Variants in BAZ2B observed in about 807,000 individuals in gnomAD.
BAZ2B encodes the protein bromodomain adjacent to zinc finger domain 2B.
Under a neutral mutation model 246.0 loss-of-function variants are expected in BAZ2B, and 91 were observed. The observed-to-expected ratio is 0.37, with a 90% CI of 0.31 to 0.44. The LOEUF (loss-of-function observed/expected upper bound fraction) is 0.44. BAZ2B is among the 20% of genes least tolerant of loss of function. The pLI, the probability that BAZ2B is intolerant of heterozygous loss-of-function variation, is 1.00. For missense variants in BAZ2B, 2,332 were observed against 2,533.7 expected (o/e 0.92, Z 1.71); for synonymous variants, 855 against 860.0 (o/e 0.99, Z 0.10).
the BAZ2B span, among the ~76,000 whole-genome samples, chr2:159,666,859 AAAACC>A: frequency 6.6e-6 from 1 of 152,192 alleles, no homozygotes; most frequent in East Asian, 1.9e-4. Flanking sequence ...CCATCTGAAA[AAAACC>A]AAACCAAACA....
chr2:159,563,733 T>C (rs1010760342), intron 1 of BAZ2B, among the ~76,000 whole-genome samples: 1 of 152,144 alleles, frequency 6.6e-6, no homozygotes, highest in Non-Finnish European at 1.5e-5. Flanking sequence ...TGAAAAAAAG[T>C]AATGGTTGTA....
intron 2 of BAZ2B, among the ~76,000 whole-genome samples, chr2:159,493,302 T>C (rs917870899): frequency 6.6e-6 from 1 of 152,240 alleles, no homozygotes; most frequent in East Asian, 1.9e-4. Flanking sequence ...ATATTTTAAG[T>C]GCTCAACAGC....
At chr2:159,323,456 AT>A (rs2062996385) in intron 36 of BAZ2B, among the ~76,000 whole-genome samples, 1 of 152,066 alleles carries the variant, frequency 6.6e-6, no homozygotes, top group East Asian at 1.9e-4. Context: ...TTTCTTGGCC[AT>A]GTTAGTTATA....
intron 2 of BAZ2B, among the ~76,000 whole-genome samples, chr2:159,486,767 TTTTAAAAACA>T (rs1351305456): frequency 2.0e-5 from 3 of 152,026 alleles, no homozygotes; most frequent in African/African-American, 7.2e-5. Flanking sequence ...GGCAAAAGAC[TTTTAAAAACA>T]CATTTCCATC....
At chr2:159,630,075 G>A in the BAZ2B span, among the ~76,000 whole-genome samples, 1 of 152,182 alleles carries the variant, frequency 6.6e-6, no homozygotes, top group Non-Finnish European at 1.5e-5. Context: ...GAACAGTACA[G>A]TATGTGGGTA....
At chr2:159,317,054 C>A (rs1469263215), downstream of BAZ2B, among the ~76,000 whole-genome samples, 1 of 152,012 alleles carries the variant, frequency 6.6e-6, no homozygotes, top group Non-Finnish European at 1.5e-5. Context: ...CTTTATTCTC[C>A]TTGTTGAAAT....
chr2:159,525,241 A>G (rs1351168571), intron 2 of BAZ2B, among the ~76,000 whole-genome samples: 1 of 152,214 alleles, frequency 6.6e-6, no homozygotes, highest in African/African-American at 2.4e-5. Context: ...GGACAACATA[A>G]GCTAAGGATC....
the BAZ2B span, among the ~76,000 whole-genome samples, chr2:159,643,314 C>A: frequency 6.6e-6 from 1 of 152,140 alleles, no homozygotes; most frequent in Non-Finnish European, 1.5e-5. Context: ...TTGGCTTATA[C>A]GCAGCCACCA....
intron 36 of BAZ2B, chr2:159,322,123 G>A (rs1453196488): frequency 1.3e-5 from 2 of 152,142 alleles, no homozygotes; most frequent in Admixed American, 6.5e-5. Context: ...TTTCTTTGGT[G>A]AAATATCTTG....
intron 1 of BAZ2B, among the ~76,000 whole-genome samples, chr2:159,567,988 T>C (rs1039004557): frequency 6.6e-6 from 1 of 151,930 alleles, no homozygotes; most frequent in Non-Finnish European, 1.5e-5. Flanking sequence ...TAAAAATAAA[T>C]AAACATAAAA....
the BAZ2B span, chr2:159,712,384 T>G: frequency 6.6e-6 from 1 of 151,984 alleles, no homozygotes; most frequent in African/African-American, 2.4e-5. Flanking sequence ...CACCCCGCGG[T>G]GGGGTACCTC....
At chr2:159,440,051 A>G (rs2073094097) in intron 6 of BAZ2B, among the ~76,000 whole-genome samples, 1 of 152,200 alleles carries the variant, frequency 6.6e-6, no homozygotes, top group African/African-American at 2.4e-5. Flanking sequence ...TATTATAACA[A>G]ATTAACAAAC....
the BAZ2B span, among the ~76,000 whole-genome samples, chr2:159,672,489 G>C: frequency 4.6e-5 from 7 of 152,136 alleles, no homozygotes; most frequent in East Asian, 1.2e-3. Context: ...CATTAAAATA[G>C]AAAGTAAACA....
chr2:159,546,256 G>A (rs2087329827), intron 2 of BAZ2B, among the ~76,000 whole-genome samples: 1 of 151,856 alleles, frequency 6.6e-6, no homozygotes, highest in Non-Finnish European at 1.5e-5. Flanking sequence ...GGTCCTTCGT[G>A]CGATGTTCTT....
chr2:159,676,052 C>T, the BAZ2B span, among the ~76,000 whole-genome samples: 1 of 152,184 alleles, frequency 6.6e-6, no homozygotes, highest in Non-Finnish European at 1.5e-5. Flanking sequence ...CCTACCACCG[C>T]ACCCGGCTAA....
intron 1 of BAZ2B, among the ~76,000 whole-genome samples, chr2:159,585,188 G>A (rs1687761441): frequency 6.6e-6 from 1 of 152,150 alleles, no homozygotes; most frequent in African/African-American, 2.4e-5. Context: ...GACTTGGAGT[G>A]GTAAAGTCAA....
chr2:159,527,319 G>A (rs1477754178), intron 2 of BAZ2B, among the ~76,000 whole-genome samples: 1 of 151,924 alleles, frequency 6.6e-6, no homozygotes, highest in Non-Finnish European at 1.5e-5. Context: ...TTTTACTATT[G>A]AGTTTTTAGT....
At chr2:159,630,203 A>G in the BAZ2B span, among the ~76,000 whole-genome samples, 1 of 152,188 alleles carries the variant, frequency 6.6e-6, no homozygotes, top group East Asian at 1.9e-4. Flanking sequence ...TGCATCTGTA[A>G]TCCCAGTGCT....
intron 17 of BAZ2B, among the ~76,000 whole-genome samples, chr2:159,399,845 T>C (rs1463395237): frequency 1.3e-5 from 2 of 152,174 alleles, no homozygotes; most frequent in Admixed American, 1.3e-4. Flanking sequence ...CTCTTTTAGA[T>C]GGAAATAATT....
Sources: allele counts gnomAD v4.1 joint callset (sites outside exome capture counted in the v4.1 genomes callset), GRCh38; gene constraint gnomAD v4.1.1; transcripts MANE v1.5; gene names NCBI Gene and HGNC (gene_info 2026-07-23, HGNC 2026-07-21).